The following RGS7 variants were observed in gnomAD, a reference collection of about 807,000 sequenced individuals.
RGS7 encodes the protein regulator of G protein signaling 7.
Under a neutral mutation model 81.1 loss-of-function variants are expected in RGS7, and 27 were observed. That is an observed-to-expected ratio of 0.33 (90% confidence interval 0.25 to 0.46). The LOEUF (loss-of-function observed/expected upper bound fraction) is 0.46, where lower values mean the gene tolerates loss of function less well. Ranked by LOEUF, RGS7 falls within the 20% of genes least tolerant of loss-of-function variation. The pLI is 1.00. For synonymous variants in RGS7, 208 were observed against 207.7 expected, an observed-to-expected ratio of 1.00 and a Z score of -0.01; for missense variants, 396 against 607.4, an observed-to-expected ratio of 0.65 and a Z score of 3.66.
chr1:240,964,505 A>T (rs1681980735), intron 4 of RGS7, among the ~76,000 whole-genome samples: 1 of 152,126 alleles, frequency 6.6e-6, no homozygotes, highest in Admixed American at 6.5e-5. Flanking sequence ...CCAAGACTGG[A>T]GGAAGTTGAG....
chr1:241,156,132 T>TGACA (rs2069116451), intron 2 of RGS7, among the ~76,000 whole-genome samples: 1 of 146,902 alleles, frequency 6.8e-6, no homozygotes, highest in Non-Finnish European at 1.5e-5. Flanking sequence ...AGATAAATGA[T>TGACA]GATAGATAGA....
intron 4 of RGS7, among the ~76,000 whole-genome samples, chr1:240,976,957 T>TTCTATCATCTATCATTTA (rs1395621078): frequency 7.2e-5 from 11 of 151,934 alleles, no homozygotes; most frequent in Middle Eastern, 3.4e-3. Context: ...TATCTATATC[T>TTCTATCATCTATCATTTA]TCTATCATCT....
intron 9 of RGS7, among the ~76,000 whole-genome samples, chr1:240,849,995 G>C (rs897129286): frequency 6.6e-6 from 1 of 152,204 alleles, no homozygotes; most frequent in African/African-American, 2.4e-5. Context: ...TTGTGATAAA[G>C]AGTATGGGTC....
intron 5 of RGS7, among the ~76,000 whole-genome samples, chr1:240,934,876 CTTTTTTTTTTTTT>C (rs555195177): frequency 0.055 from 3,664 of 67,012 alleles, 90 homozygotes; most frequent in African/African-American, 0.11. Context: ...CTTCACATGG[CTTTTTTTTTTTTT>C]TTTTTTTTTT....
intron 2 of RGS7, among the ~76,000 whole-genome samples, chr1:241,172,004 A>G (rs2070768086): frequency 6.6e-6 from 1 of 152,226 alleles, no homozygotes; most frequent in Admixed American, 6.5e-5. Context: ...CCCAAAAAGA[A>G]GAGCATTACT....
At chr1:241,101,626 T>C (rs1299753449) in intron 2 of RGS7, among the ~76,000 whole-genome samples, 1 of 152,112 alleles carries the variant, frequency 6.6e-6, no homozygotes, top group Non-Finnish European at 1.5e-5. Flanking sequence ...GTAATAAAGA[T>C]CTCTAAGTAT....
At chr1:241,112,443 T>C (rs990960882) in intron 2 of RGS7, among the ~76,000 whole-genome samples, 13 of 152,022 alleles carry the variant, frequency 8.6e-5, no homozygotes, top group Admixed American at 5.9e-4. Flanking sequence ...ATTTTCAAAA[T>C]GAAATTAAAA....
At chr1:241,241,827 A>C (rs2076272970) in intron 2 of RGS7, among the ~76,000 whole-genome samples, 1 of 152,204 alleles carries the variant, frequency 6.6e-6, no homozygotes, top group Admixed American at 6.5e-5. Context: ...AAGAAGCAGC[A>C]GGTGAATCTA....
rs541683064 is a variant in RGS7, at chr1:241,260,165, T to C, written c.78+95534A>G. Among the ~76,000 whole-genome samples the C allele has an allele frequency of 8.5e-5, 13 of 152,322 alleles. No individual in the cohort carries two copies. The South Asian group carries it at 2.7e-3, about 32-fold the overall frequency. On this transcript the variant is annotated intron_variant, in intron 2 of 18. Transcript: ENST00000440928. ...ACCACTGTCTCTATTGATCTCACTCTTCTTTGAGCTCCTACAACACTCACA... is the reference window on the plus strand; with the variant it reads ...ACCACTGTCTCTATTGATCTCACTCCTCTTTGAGCTCCTACAACACTCACA...
intron 2 of RGS7, among the ~76,000 whole-genome samples, chr1:241,157,199 G>A (rs542054725): frequency 1.3e-5 from 2 of 152,160 alleles, no homozygotes; most frequent in South Asian, 4.2e-4. Flanking sequence ...TGGAAGAGAA[G>A]GAAGAGAGAG....
Position 241,083,204 on chromosome 1 carries a change from C to T in RGS7, c.175+15462G>A, listed in dbSNP as rs565654766. On this transcript the variant is annotated intron_variant, in intron 3 of 18. Transcript: ENST00000440928. ...TCATGACACTGCACTCCAGCCTGGG[C>T]GACAGAGCGAGACTCTGTCTCAAAA... Among the ~76,000 whole-genome samples the T allele has an allele frequency of 3.1e-4, 41 of 133,144 alleles. No homozygotes were observed. In the Middle Eastern group the frequency reaches 0.013, roughly 42 times the overall value. 87.3% of individuals were successfully genotyped at this position (133,144 alleles called of 152,430 possible). A position where few individuals can be genotyped will look rare whatever the true frequency, so the allele number is the denominator to read the frequency against.
chr1:241,300,161 A>G (rs1258678862), intron 2 of RGS7, among the ~76,000 whole-genome samples: 1 of 151,954 alleles, frequency 6.6e-6, no homozygotes, highest in Non-Finnish European at 1.5e-5. Context: ...TCACAGCAAA[A>G]TTAAGTGGAA....
At chr1:241,293,583 A>T (rs1308212953) in intron 2 of RGS7, among the ~76,000 whole-genome samples, 5 of 152,204 alleles carry the variant, frequency 3.3e-5, no homozygotes, top group Non-Finnish European at 5.9e-5. Context: ...TTAATAAAAA[A>T]AGTTTTTAAA....
At chr1:241,075,881 G>A (rs1158497201) in intron 3 of RGS7, among the ~76,000 whole-genome samples, 1 of 152,188 alleles carries the variant, frequency 6.6e-6, no homozygotes, top group African/African-American at 2.4e-5. Context: ...GTGACCAGGT[G>A]CTTTACATCA....
chr1:241,155,542 C>A (rs1407024376), intron 2 of RGS7, among the ~76,000 whole-genome samples: 1 of 139,018 alleles, frequency 7.2e-6, no homozygotes. Flanking sequence ...CCCTGAGAAG[C>A]ACATTGTTCA....
chr1:241,282,766 T>A (rs747143218), intron 2 of RGS7, among the ~76,000 whole-genome samples: 1 of 152,208 alleles, frequency 6.6e-6, no homozygotes, highest in African/African-American at 2.4e-5. Context: ...GAGAGTTTTT[T>A]ATCATAAATG....
intron 14 of RGS7, among the ~76,000 whole-genome samples, chr1:240,807,493 C>T (rs1689066552): frequency 6.6e-6 from 1 of 152,076 alleles, no homozygotes; most frequent in South Asian, 2.1e-4. Flanking sequence ...TTTAACTTGA[C>T]CATTAATAAA....
intron 2 of RGS7, among the ~76,000 whole-genome samples, chr1:241,324,533 T>C (rs972120265): frequency 1.3e-5 from 2 of 152,196 alleles, no homozygotes; most frequent in African/African-American, 2.4e-5. Flanking sequence ...TGTACCCTTT[T>C]TGCATTGCAT....
chr1:240,953,040 T>C (rs1053730583), intron 4 of RGS7, among the ~76,000 whole-genome samples: 1 of 151,872 alleles, frequency 6.6e-6, no homozygotes, highest in African/African-American at 2.4e-5. Context: ...CCTAAATGTG[T>C]AAGCACTTAA....
Sources: allele counts gnomAD v4.1 joint callset (sites outside exome capture counted in the v4.1 genomes callset), GRCh38; gene constraint gnomAD v4.1.1; transcripts MANE v1.5; gene names NCBI Gene and HGNC (gene_info 2026-07-23, HGNC 2026-07-21).